APOBEC1: variants seen among roughly 807,000 people sequenced by gnomAD.
APOBEC1 encodes the protein apolipoprotein B mRNA editing enzyme catalytic subunit 1, also known as C->U-editing enzyme APOBEC-1.
Under a neutral mutation model 26.3 loss-of-function variants are expected in APOBEC1, and 22 were observed. The observed-to-expected ratio is 0.84, with a 90% CI of 0.60 to 1.19. The LOEUF (loss-of-function observed/expected upper bound fraction) is 1.19, where lower values mean the gene tolerates loss of function less well. Among genes scored for constraint, APOBEC1 ranks in the 50% most tolerant of loss-of-function variants. The pLI is 0.00. For missense variants in APOBEC1, 253 were observed against 289.0 expected, an observed-to-expected ratio of 0.88 and a Z score of 0.90; for synonymous variants, 77 against 95.3, an observed-to-expected ratio of 0.81 and a Z score of 1.12.
chr12:7,649,807 C>CT (rs972507526), intron 4 of APOBEC1, 111 bp from the exon 5 acceptor site: 38,748 of 692,358 alleles, frequency 0.056, no homozygotes, highest in East Asian at 0.068. Context: ...ACTATTTCTT[C>CT]TTTTTTTTTT....
chr12:7,666,002 G>A (rs147204499), upstream of APOBEC1: 2 of 948,110 alleles, frequency 2.1e-6, no homozygotes, highest in African/African-American at 3.2e-5. Context: ...ATCTCAGGCA[G>A]TTATGGGAAT....
intron 2 of APOBEC1, 39 bp from the exon 3 acceptor site, chr12:7,652,874 T>C: frequency 7.0e-7 from 1 of 1,418,568 alleles, no homozygotes; most frequent in East Asian, 2.5e-5. Flanking sequence ...CATGCCACAT[T>C]TAGAGAGATC....
chr12:7,654,518 T>C, intron 2 of APOBEC1, 87 bp downstream of exon 2: 1 of 1,366,940 alleles, frequency 7.3e-7, no homozygotes, highest in Non-Finnish European at 1.0e-6. Flanking sequence ...GCTGGGATTA[T>C]AGGCGCATGT....
At chr12:7,663,879 G>A (rs989245424) in intron 1 of APOBEC1, among the ~76,000 whole-genome samples, 6 of 151,552 alleles carry the variant, frequency 4.0e-5, no homozygotes, top group Non-Finnish European at 7.4e-5. Context: ...TTCCCGAGAT[G>A]GAGTTTTGCT....
At chr12:7,654,003 T>C (rs1863681291) in intron 2 of APOBEC1, among the ~76,000 whole-genome samples, 1 of 152,216 alleles carries the variant, frequency 6.6e-6, no homozygotes, top group African/African-American at 2.4e-5. Context: ...ATCACATTCA[T>C]TTACTACATA....
Position 7,654,415 on chromosome 12 carries a change from C to T in APOBEC1, c.44+190G>A, listed in dbSNP as rs1390442582. On this transcript the variant is annotated intron_variant, in intron 2 of 4. Coordinates refer to ENST00000229304, the MANE Select transcript of APOBEC1 (RefSeq NM_001644.5). ...GAGACAGGGTCTCAGTCTGTTACCC[C>T]GGCTGCAGTGCAGTGGTGCAATCAT... Among the ~76,000 whole-genome samples, 7 of 150,524 alleles carry T rather than the reference C, an allele frequency of 4.7e-5. No individual in the cohort carries two copies. In the East Asian group the frequency reaches 5.8e-4, roughly 13 times the overall value.
intron 1 of APOBEC1, among the ~76,000 whole-genome samples, chr12:7,660,340 G>GAAGGAAGA (rs1279131314): frequency 1.2e-4 from 4 of 34,326 alleles, no homozygotes; most frequent in Non-Finnish European, 2.9e-4. Context: ...GGAAGGGAAG[G>GAAGGAAGA]AAGGAAGGAA....
chr12:7,652,903 T>C, intron 2 of APOBEC1, 68 bp from the exon 3 acceptor site: 3 of 1,188,130 alleles, frequency 2.5e-6, no homozygotes, highest in Non-Finnish European at 3.2e-6. Context: ...CTTTTCCTGC[T>C]CCCCTCTTCT....
chr12:7,653,448 CTTTG>C (rs1255206326), intron 2 of APOBEC1, among the ~76,000 whole-genome samples: 1 of 144,314 alleles, frequency 6.9e-6, no homozygotes, highest in African/African-American at 2.6e-5. Context: ...GTAAGCGTGT[CTTTG>C]TTTCTCTTTT....
chr12:7,652,551 A>G lies in APOBEC1; in HGVS notation c.329T>C (p.Val110Ala), dbSNP rs538961816. 6.2e-7 allele frequency: 1 copy of G among 1,614,232 alleles called. No homozygotes were observed. Among genetic ancestry groups the G allele is most frequent in the Non-Finnish European group, 8.5e-7 (1 of 1,180,046 alleles). The change falls in exon 3 of 5, where the codon GTG becomes GCG. Residue 110 changes from valine (V) to alanine (A), a missense_variant. Transcript: ENST00000229304. Reference sequence around the variant, plus strand: ...CCGAGCTACGTAGATCACTAGAGTCACACCAGGGTGCCGACTCAGAAACTC... The same window carrying G: ...CCGAGCTACGTAGATCACTAGAGTCGCACCAGGGTGCCGACTCAGAAACTC... ...IREFLSRHPG[V>A]TLVIYVARLF...
chr12:7,649,481 G>A lies in APOBEC1; in HGVS notation c.*66C>T. ...TGTGAACATTTCTAGATTCTAAATG[G>A]CATTCACTCTTTAGTGGGTCATCAT... On this transcript the variant is annotated 3_prime_UTR_variant, in exon 5 of 5. Transcript: ENST00000229304. 2 of 1,518,400 alleles carry A rather than the reference G, an allele frequency of 1.3e-6. No homozygotes were observed. The highest frequency in any genetic ancestry group is 9.0e-7 in the Non-Finnish European group (1 of 1,109,348). The allele number at this position is 1,518,400 out of a possible 1,614,324, so 94.1% of individuals were successfully genotyped here. A position where few individuals can be genotyped will look rare whatever the true frequency, so the allele number is the denominator to read the frequency against.
intron 4 of APOBEC1, 114 bp downstream of exon 4, chr12:7,650,909 C>G: frequency 1.3e-6 from 1 of 773,842 alleles, no homozygotes; most frequent in South Asian, 1.7e-5. Context: ...AGTTAAATAA[C>G]TAAATCTCAA....
At chr12:7,662,971 C>T (rs765401890) in intron 1 of APOBEC1, among the ~76,000 whole-genome samples, 5 of 152,150 alleles carry the variant, frequency 3.3e-5, no homozygotes, top group Non-Finnish European at 7.4e-5. Flanking sequence ...GGGGATGATT[C>T]AAGGGAGAGT....
intron 1 of APOBEC1, among the ~76,000 whole-genome samples, chr12:7,659,103 T>G (rs1863758792): frequency 6.7e-6 from 1 of 150,016 alleles, no homozygotes; most frequent in African/African-American, 2.4e-5. Context: ...GAGACCAGCC[T>G]GACCAACATG....
chr12:7,665,822 C>G (rs1863885972), intron 1 of APOBEC1, 35 bp downstream of exon 1: 3 of 1,543,378 alleles, frequency 1.9e-6, no homozygotes, highest in East Asian at 5.0e-5. Flanking sequence ...TTGCATTGTT[C>G]AAGAATACTT....
At chr12:7,666,004 T>A (rs1863888434), upstream of APOBEC1, 9 of 931,134 alleles carry the variant, frequency 9.7e-6, no homozygotes, top group Admixed American at 6.8e-5. Flanking sequence ...CTCAGGCAGT[T>A]ATGGGAATCT....
rs35834174 is a variant in APOBEC1, at chr12:7,658,958, G to GAA, written c.17-4328_17-4327dup. On this transcript the variant is annotated intron_variant, in intron 1 of 4. Transcript: ENST00000229304. ...ACGAGAGCAAAACTCCATGTCAAAA[G>GAA]AAAAAAAAAAAAAGCACTTCCACCA... is the stretch of plus-strand genomic sequence containing the variant. Among the ~76,000 whole-genome samples the GAA allele has an allele frequency of 2.0e-3, 254 of 128,980 alleles. 1 individual carries two copies. The highest frequency in any genetic ancestry group is 0.013 in the Middle Eastern group (3 of 236). 84.6% of individuals were successfully genotyped at this position (128,980 alleles called of 152,430 possible).
intron 2 of APOBEC1, 70 bp from the exon 3 acceptor site, chr12:7,652,905 C>G (rs1863664772): frequency 8.6e-7 from 1 of 1,157,160 alleles, no homozygotes; most frequent in African/African-American, 1.9e-5. Context: ...TTTCCTGCTC[C>G]CCTCTTCTTT....
chr12:7,660,410 A>ACGAAAGAAAGAAAGAAAG lies in APOBEC1; in HGVS notation c.16+5446_16+5447insCTTTCTTTCTTTCTTTCG, dbSNP rs1555094957. On this transcript the variant is annotated intron_variant, in intron 1 of 4. Coordinates refer to ENST00000229304, the MANE Select transcript of APOBEC1 (RefSeq NM_001644.5). ...AAAGAAAGAAAGAAAGAAAGAAAGA[A>ACGAAAGAAAGAAAGAAAG]AGAGAGGGTATTTGGGCCAGGGACA... Among the ~76,000 whole-genome samples, 31 of 84,282 alleles carry ACGAAAGAAAGAAAGAAAG rather than the reference A, an allele frequency of 3.7e-4. 2 individuals carry two copies. Among genetic ancestry groups the ACGAAAGAAAGAAAGAAAG allele is most frequent in the African/African-American group, 1.3e-3 (29 of 21,826 alleles). The allele number at this position is 84,282 out of a possible 152,430, so 55.3% of individuals were successfully genotyped here. A position where few individuals can be genotyped will look rare whatever the true frequency, so the allele number is the denominator to read the frequency against.
Sources: gnomAD v4.1 joint callset for allele counts (sites outside exome capture counted in the v4.1 genomes callset) on GRCh38, gnomAD v4.1.1 for gene constraint, MANE v1.5 for transcripts, NCBI Gene and HGNC (gene_info 2026-07-23, HGNC 2026-07-21) for gene names.